KIAA0232: variants seen among roughly 807,000 people sequenced by gnomAD.
KIAA0232 encodes the protein KIAA0232.
A neutral mutation model predicts 122.0 loss-of-function variants in KIAA0232; 27 were observed. The observed-to-expected ratio is 0.22, with a 90% CI of 0.16 to 0.31. KIAA0232 has a LOEUF of 0.31. KIAA0232 is among the 10% of genes least tolerant of loss of function. The pLI, the probability that KIAA0232 is intolerant of heterozygous loss-of-function variation, is 1.00. For synonymous variants in KIAA0232, 613 were observed against 587.6 expected, an observed-to-expected ratio of 1.04 and a Z score of -0.63; for missense variants, 1,551 against 1,634.2, an observed-to-expected ratio of 0.95 and a Z score of 0.88.
At chr4:6,853,583 T>C (rs1465598847) in intron 4 of KIAA0232, among the ~76,000 whole-genome samples, 3 of 152,196 alleles carry the variant, frequency 2.0e-5, no homozygotes, top group Non-Finnish European at 4.4e-5. Flanking sequence ...TCATGTAGGT[T>C]AGTGATCACA....
At chr4:6,790,915 C>CTTTTTTTTTTTTTTTT (rs35766310) in intron 1 of KIAA0232, among the ~76,000 whole-genome samples, 5 of 92,940 alleles carry the variant, frequency 5.4e-5, no homozygotes, top group Admixed American at 1.3e-4. Context: ...TTTTTATATA[C>CTTTTTTTTTTTTTTTT]TTTTTTTTTT....
chr4:6,830,549 G>C lies in KIAA0232; in HGVS notation c.231+5865G>C, dbSNP rs555064019. Among the ~76,000 whole-genome samples the C allele has an allele frequency of 1.6e-3, 244 of 151,842 alleles. 1 individual carries two copies. The highest frequency in any genetic ancestry group is 3.1e-3 in the Non-Finnish European group (208 of 67,918). ...TAGGCTCCTGAGTAGCTAGATTACAGGCGTGCATTACCATGCCTGGGTAAT... is the reference window on the plus strand; with the variant it reads ...TAGGCTCCTGAGTAGCTAGATTACACGCGTGCATTACCATGCCTGGGTAAT... On this transcript the variant is annotated intron_variant, in intron 3 of 9. Coordinates refer to ENST00000307659, the MANE Select transcript of KIAA0232 (RefSeq NM_014743.3).
chr4:6,837,319 C>T (rs1480205109), intron 3 of KIAA0232, among the ~76,000 whole-genome samples: 4 of 151,646 alleles, frequency 2.6e-5, no homozygotes, highest in African/African-American at 7.3e-5. Flanking sequence ...AATGGGGTCG[C>T]GGCTGGGCAG....
chr4:6,864,087 A>C lies in KIAA0232; in HGVS notation c.3705A>C (p.Gln1235His). Residue 1235 changes from glutamine (Q) to histidine (H), a missense_variant, in exon 7 of 10, where the codon CAA (glutamine) becomes CAC (histidine). Gln to His is a conservative substitution (Grantham distance 24). This residue lies in a region of KIAA0232 where 1,108 missense variants were observed against 1,154.8 expected (regional missense o/e 0.96). Transcript: ENST00000307659. ...SSEANCKIMAQCEEEINNFCG... is the reference protein window; with the variant it reads ...SSEANCKIMAHCEEEINNFCG... ...AAGCAAATTGTAAAATAATGGCACA[A>C]TGCGAGGAAGAAATTAATAATTTTT... 1 of 1,614,202 alleles carries C rather than the reference A, an allele frequency of 6.2e-7. No individual in the cohort carries two copies. The highest frequency in any genetic ancestry group is 8.5e-7 in the Non-Finnish European group (1 of 1,180,028).
intron 1 of KIAA0232, among the ~76,000 whole-genome samples, chr4:6,792,402 C>A (rs997270859): frequency 1.3e-5 from 2 of 152,034 alleles, no homozygotes; most frequent in African/African-American, 4.8e-5. Context: ...AATTGACCAA[C>A]AAGTTTCTAA....
intron 1 of KIAA0232, among the ~76,000 whole-genome samples, chr4:6,792,474 C>T (rs774931909): frequency 2.0e-5 from 3 of 152,032 alleles, no homozygotes; most frequent in African/African-American, 4.8e-5. Context: ...AGTTTTACTA[C>T]TTTTGTTAAG....
At chr4:6,789,048 G>A (rs1414866234) in intron 1 of KIAA0232, among the ~76,000 whole-genome samples, 8 of 151,742 alleles carry the variant, frequency 5.3e-5, no homozygotes, top group African/African-American at 1.5e-4. Context: ...TCGGCTCACT[G>A]CCAACTCCAC....
intron 3 of KIAA0232, among the ~76,000 whole-genome samples, 163 bp from the exon 4 acceptor site, chr4:6,841,904 G>A (rs755670521): frequency 2.5e-4 from 38 of 152,126 alleles, no homozygotes; most frequent in Non-Finnish European, 4.6e-4. Context: ...AAGATAATCC[G>A]TCTTGGAATG....
chr4:6,853,202 G>T (rs1720388224), intron 4 of KIAA0232, among the ~76,000 whole-genome samples: 1 of 152,178 alleles, frequency 6.6e-6, no homozygotes, highest in Admixed American at 6.5e-5. Context: ...GGAAGAGGTT[G>T]CTGGAAAGAA....
intron 2 of KIAA0232, among the ~76,000 whole-genome samples, chr4:6,820,871 A>G (rs1718390553): frequency 6.6e-6 from 1 of 152,238 alleles, no homozygotes; most frequent in Non-Finnish European, 1.5e-5. Flanking sequence ...GAGGCTGGGA[A>G]GTCCAAAAGC....
intron 6 of KIAA0232, among the ~76,000 whole-genome samples, chr4:6,860,143 C>T (rs1720777328): frequency 6.6e-6 from 1 of 152,208 alleles, no homozygotes; most frequent in Admixed American, 6.5e-5. Context: ...CCTACCCTTT[C>T]TGAGGGCCTG....
chr4:6,794,235 A>T (rs1004972830), intron 1 of KIAA0232, among the ~76,000 whole-genome samples: 2 of 152,216 alleles, frequency 1.3e-5, no homozygotes, highest in African/African-American at 4.8e-5. Flanking sequence ...GGGAATTCTC[A>T]TGCTGAAGCT....
intron 9 of KIAA0232, among the ~76,000 whole-genome samples, chr4:6,878,561 A>G (rs1721882423): frequency 1.3e-5 from 2 of 152,200 alleles, no homozygotes; most frequent in African/African-American, 4.8e-5. Context: ...TGGTTTCTGC[A>G]CCTGGTCACA....
chr4:6,843,826 T>C (rs1719794867), intron 4 of KIAA0232, among the ~76,000 whole-genome samples: 1 of 151,554 alleles, frequency 6.6e-6, no homozygotes, highest in South Asian at 2.1e-4. Context: ...CATATACTCA[T>C]GATACATTGT....
intron 1 of KIAA0232, among the ~76,000 whole-genome samples, chr4:6,803,550 A>G (rs2108935492): frequency 6.6e-6 from 1 of 152,318 alleles, no homozygotes; most frequent in Middle Eastern, 3.4e-3. Context: ...CCCTGATTAA[A>G]ATTTCAAGTA....
In KIAA0232 at chr4:6,861,100, C is replaced by T. The variant is rs1450640378; in HGVS notation, c.718C>T (p.Pro240Ser). The T allele has an allele frequency of 1.2e-6, 2 of 1,614,128 alleles. No individual in the cohort carries two copies. Among genetic ancestry groups the T allele is most frequent in the Non-Finnish European group, 1.7e-6 (2 of 1,180,008 alleles). ...CACCAAGGAAAGAAGCAGTGAAGTA[C>T]CCACCACTGTGCATGAGAAAACCCA... is the stretch of plus-strand genomic sequence containing the variant. ...EVTKERSSEV[P>S]TTVHEKTQSK... is the part of the protein sequence containing the mutation. The change falls in exon 7 of 10, where the codon CCC becomes TCC. Residue 240 changes from proline (P) to serine (S), a missense_variant. By Grantham distance (74) the Pro-to-Ser change is moderately conservative (BLOSUM62 -1). Transcript: ENST00000307659.
chr4:6,825,766 G>A (rs1485204482), intron 3 of KIAA0232, among the ~76,000 whole-genome samples: 2 of 152,156 alleles, frequency 1.3e-5, no homozygotes, highest in Non-Finnish European at 2.9e-5. Context: ...AAAATCTTTT[G>A]GTTTTTATAG....
At chr4:6,834,266 C>T (rs1010494572) in intron 3 of KIAA0232, among the ~76,000 whole-genome samples, 1 of 152,072 alleles carries the variant, frequency 6.6e-6, no homozygotes, top group African/African-American at 2.4e-5. Context: ...AAATTATGTG[C>T]ATATCTAATA....
chr4:6,803,289 G>A (rs989665460), intron 1 of KIAA0232, among the ~76,000 whole-genome samples: 3 of 151,836 alleles, frequency 2.0e-5, no homozygotes, highest in African/African-American at 4.8e-5. Flanking sequence ...TATTCCATGA[G>A]TAGTTGGAAA....
Sources: gnomAD v4.1 joint callset for allele counts (sites outside exome capture counted in the v4.1 genomes callset) on GRCh38, gnomAD v4.1.1 for gene constraint, gnomAD v4.1.1 regional missense constraint, MANE v1.5 for transcripts, NCBI Gene and HGNC (gene_info 2026-07-23, HGNC 2026-07-21) for gene names.